ASH1L: variants seen among roughly 807,000 people sequenced by gnomAD.
ASH1L encodes the protein ASH1 like histone lysine methyltransferase, also known as histone-lysine N-methyltransferase ASH1L.
A neutral mutation model predicts 269.0 loss-of-function variants in ASH1L; 23 were observed. That is an observed-to-expected ratio of 0.09 (90% confidence interval 0.06 to 0.12). ASH1L has a LOEUF of 0.12. Ranked by LOEUF, ASH1L falls within the 10% of genes least tolerant of loss-of-function variation. The probability of loss-of-function intolerance (pLI) is 1.00; values close to 1 mark genes in which losing one functional copy is unlikely to be tolerated. For synonymous variants in ASH1L, 1,187 were observed against 1,253.5 expected, an observed-to-expected ratio of 0.95 and a Z score of 1.12; for missense variants, 2,912 against 3,567.8, an observed-to-expected ratio of 0.82 and a Z score of 4.68.
At chr1:155,551,836 C>T (rs868759249) in intron 1 of ASH1L, among the ~76,000 whole-genome samples, 8 of 149,494 alleles carry the variant, frequency 5.4e-5, no homozygotes, top group Non-Finnish European at 8.9e-5. Context: ...ATTAGCCGGG[C>T]GTGGTGGCGG....
At position 155,386,028 on chromosome 1, in the gene ASH1L, G is replaced by A. The variant is rs72704163; in HGVS notation, c.6104-5912C>T. ...GGAGAGACATATGATTGTTGGCCACGTATATGTCTTTTGAGAAGTGTCTGT... is the reference window on the plus strand; with the variant it reads ...GGAGAGACATATGATTGTTGGCCACATATATGTCTTTTGAGAAGTGTCTGT... On this transcript the variant is annotated intron_variant, in intron 7 of 27. Transcript: ENST00000392403. Among the ~76,000 whole-genome samples the A allele has an allele frequency of 1.5e-3, 235 of 151,814 alleles. 1 individual carries two copies. Among genetic ancestry groups the A allele is most frequent in the Non-Finnish European group, 2.7e-3 (183 of 67,964 alleles).
In ASH1L at chr1:155,415,796, T is replaced by C. The variant is rs2148541770; in HGVS notation, c.5956A>G (p.Lys1986Glu). The C allele has an allele frequency of 1.9e-6, 3 of 1,614,056 alleles. No individual in the cohort carries two copies. The highest frequency in any genetic ancestry group is 2.5e-6 in the Non-Finnish European group (3 of 1,180,016). Residue 1986 changes from lysine (K) to glutamate (E), a missense_variant, in exon 6 of 28, where the codon AAG (lysine) becomes GAG (glutamate). Physicochemically the swap from Lys to Glu is moderately conservative, Grantham distance 56. Around this residue, in one of 13 missense-constraint regions of ASH1L, gnomAD observed 193 missense variants for 311.6 expected, o/e 0.62. Transcript: ENST00000392403. ...AGCCCTGCTTTCTGATACTTCTTCT[T>C]TGGGGGACGTGGGGGCTTCTTTTCC... ...PREKKPPRPP[K>E]KKYQKAGLYS...
At chr1:155,371,323 G>A (rs1244506934) in intron 10 of ASH1L, among the ~76,000 whole-genome samples, 1 of 152,086 alleles carries the variant, frequency 6.6e-6, no homozygotes. Context: ...TGAGGTGGGT[G>A]GATTACCTGA....
At chr1:155,385,294 T>C (rs888533421) in intron 7 of ASH1L, among the ~76,000 whole-genome samples, 3 of 152,120 alleles carry the variant, frequency 2.0e-5, no homozygotes, top group Non-Finnish European at 4.4e-5. Flanking sequence ...AATACAAAAA[T>C]TAGCCAGGTA....
chr1:155,471,955 G>C (rs1361209307), intron 3 of ASH1L, among the ~76,000 whole-genome samples: 1 of 152,176 alleles, frequency 6.6e-6, no homozygotes, highest in Non-Finnish European at 1.5e-5. Context: ...TCAGAGCAGT[G>C]ACTTCAGAGA....
chr1:155,494,037 A>G (rs1666988927), intron 2 of ASH1L, among the ~76,000 whole-genome samples: 2 of 152,222 alleles, frequency 1.3e-5, no homozygotes, highest in Admixed American at 6.6e-5. Flanking sequence ...AATATTTGGT[A>G]TATCAGATGA....
At chr1:155,383,629 C>T (rs201568036) in intron 7 of ASH1L, among the ~76,000 whole-genome samples, 9 of 152,252 alleles carry the variant, frequency 5.9e-5, no homozygotes, top group African/African-American at 1.4e-4. Flanking sequence ...GTATCCTCAT[C>T]GTTAAGCAAC....
Position 155,525,878 on chromosome 1 carries a change from T to C in ASH1L, c.-99-4260A>G, listed in dbSNP as rs148293841. 6.7e-3 allele frequency among the ~76,000 whole-genome samples: 1,024 copies of C among 152,244 alleles called. 13 individuals are homozygous for C. The highest frequency in any genetic ancestry group is 0.024 in the African/African-American group (991 of 41,532). On this transcript the variant is annotated intron_variant, in intron 1 of 27. Coordinates refer to ENST00000392403, the MANE Select transcript of ASH1L (RefSeq NM_018489.3). ...TCACTTATATAAAATGGTATGGTAT[T>C]TGCATACAGCCTATACACATGCTCC...
intron 1 of ASH1L, among the ~76,000 whole-genome samples, chr1:155,534,963 G>A (rs1372087228): frequency 2.0e-5 from 3 of 152,198 alleles, no homozygotes; most frequent in Non-Finnish European, 2.9e-5. Flanking sequence ...GCCAAGGCGG[G>A]TGGATCACCT....
chr1:155,402,387 C>A (rs776223371), intron 6 of ASH1L, among the ~76,000 whole-genome samples: 1 of 151,954 alleles, frequency 6.6e-6, no homozygotes, highest in South Asian at 2.1e-4. Flanking sequence ...TCAAGGAATA[C>A]GGCACTTTTA....
chr1:155,495,737 C>T (rs545563925), intron 2 of ASH1L, among the ~76,000 whole-genome samples: 10 of 152,314 alleles, frequency 6.6e-5, no homozygotes, highest in South Asian at 2.1e-4. Flanking sequence ...CAGCTCAACG[C>T]CTGTAATCCC....
rs59676231 is a variant in ASH1L at position 155,348,911 on chromosome 1, TACAC to T, written c.7554+412_7554+415del. On this transcript the variant is annotated intron_variant, in intron 19 of 27. Transcript: ENST00000392403. ...AAAAAAAAAAAAAAATATATATATA[TACAC>T]ACACACACACACACACACACACACA... Among the ~76,000 whole-genome samples, 1,083 of 140,370 alleles carry T rather than the reference TACAC, an allele frequency of 7.7e-3. 18 individuals carry two copies. The highest frequency in any genetic ancestry group is 0.023 in the African/African-American group (867 of 37,316). 92.1% of individuals were successfully genotyped at this position (140,370 alleles called of 152,430 possible).
At chr1:155,459,043 T>C (rs1373173942) in intron 4 of ASH1L, among the ~76,000 whole-genome samples, 1 of 151,414 alleles carries the variant, frequency 6.6e-6, no homozygotes, top group African/African-American at 2.4e-5. Context: ...TATACAAATA[T>C]GTTGTATGTA....
intron 1 of ASH1L, among the ~76,000 whole-genome samples, chr1:155,537,631 T>C (rs1670144538): frequency 6.6e-6 from 1 of 152,086 alleles, no homozygotes; most frequent in Non-Finnish European, 1.5e-5. Context: ...TTAACTCAAG[T>C]GGATCACAAA....
At chr1:155,555,377 G>A (rs997645472) in intron 1 of ASH1L, among the ~76,000 whole-genome samples, 5 of 150,800 alleles carry the variant, frequency 3.3e-5, no homozygotes, top group Non-Finnish European at 7.4e-5. Context: ...CGCACCTGTA[G>A]TCCAAGCTAC....
chr1:155,352,894 C>T (rs1368653470), intron 16 of ASH1L, 36 bp from the exon 17 acceptor site: 1 of 1,576,658 alleles, frequency 6.3e-7, no homozygotes, highest in African/African-American at 1.4e-5. Flanking sequence ...TTACAGGAAA[C>T]AAGGAGCTCT....
Position 155,562,465 on chromosome 1 carries a change from TGGC to T in ASH1L, c.-415_-413del. 6.9e-7 allele frequency: 1 copy of T among 1,451,836 alleles called. No homozygotes were observed. The highest frequency in any genetic ancestry group is 9.3e-7 in the Non-Finnish European group (1 of 1,071,584). 89.9% of individuals were successfully genotyped at this position (1,451,836 alleles called of 1,614,324 possible). The stretch of plus-strand genomic sequence containing the variant: ...GGCGGCAGCAGCAGAGTGGCGGCGG[TGGC>T]GGCGGCAGCTCCTCCAGAGGGAGGG... On this transcript the variant is annotated 5_prime_UTR_variant, in exon 1 of 28. Transcript: ENST00000392403.
intron 4 of ASH1L, 94 bp from the exon 5 acceptor site, chr1:155,439,162 T>C: frequency 2.3e-6 from 3 of 1,283,360 alleles, no homozygotes; most frequent in Non-Finnish European, 3.2e-6. Flanking sequence ...ACTACTCTAT[T>C]TTCCATAGCA....
chr1:155,518,768 AG>A (rs1378044296), intron 2 of ASH1L, among the ~76,000 whole-genome samples: 1 of 143,096 alleles, frequency 7.0e-6, no homozygotes, highest in Non-Finnish European at 1.5e-5. Flanking sequence ...AGAGGGGGAG[AG>A]GCAGAGACAG....
Sources: gnomAD v4.1 joint callset for allele counts (sites outside exome capture counted in the v4.1 genomes callset) on GRCh38, gnomAD v4.1.1 for gene constraint, gnomAD v4.1.1 regional missense constraint, MANE v1.5 for transcripts, NCBI Gene and HGNC (gene_info 2026-07-23, HGNC 2026-07-21) for gene names.